The following ZNF561 variants were observed in gnomAD, a reference collection of about 807,000 sequenced individuals.
The protein encoded by ZNF561 is zinc finger protein 561.
ZNF561 carries 16 observed loss-of-function variants against 16.7 expected under a neutral mutation model. That is an observed-to-expected ratio of 0.96 (90% CI 0.65 to 1.45). The LOEUF is 1.45. Among genes scored for constraint, ZNF561 ranks in the 40% most tolerant of loss-of-function variants. ZNF561 has a pLI of 0.00. For synonymous variants in ZNF561, 190 were observed against 192.1 expected (o/e 0.99, Z 0.09); for missense variants, 580 against 578.0 (o/e 1.00, Z -0.04).
chr19:9,610,130 A>G lies in ZNF561; in HGVS notation c.*70T>C, dbSNP rs2144864543. On this transcript the variant is annotated 3_prime_UTR_variant, in exon 6 of 6. Coordinates refer to ENST00000302851, the MANE Select transcript of ZNF561 (RefSeq NM_152289.3). Reference sequence around the variant, plus strand: ...CAATCCATGAGTCATTACAACCTCCAAAAGGCATTTAGGACAAATCTGATA... The same window carrying G: ...CAATCCATGAGTCATTACAACCTCCGAAAGGCATTTAGGACAAATCTGATA... 7.2e-7 allele frequency: 1 copy of G among 1,393,828 alleles called. No individual in the cohort carries two copies. Among genetic ancestry groups the G allele is most frequent in the South Asian group, 1.4e-5 (1 of 71,802 alleles). The allele number at this position is 1,393,828 out of a possible 1,614,324, so 86.3% of individuals were successfully genotyped here.
In ZNF561 at chr19:9,608,219, TA is replaced by T. The variant is rs2074384529; in HGVS notation, c.*1980del. The T allele has an allele frequency of 9.2e-6, 1 of 108,642 alleles. No homozygotes were observed. Among genetic ancestry groups the T allele is most frequent in the Admixed American group, 1.1e-4 (1 of 9,198 alleles). The allele number at this position is 108,642 out of a possible 1,614,324, so 6.7% of individuals were successfully genotyped here. A position where few individuals can be genotyped will look rare whatever the true frequency, so the allele number is the denominator to read the frequency against. On this transcript the variant is annotated 3_prime_UTR_variant, in exon 6 of 6. Transcript: ENST00000302851. ...TCGTGAAATGATGTCAAGAGATGGG[TA>T]GGGGGAGGGAGGGGGAGGGAGGGGA... is the stretch of plus-strand genomic sequence containing the variant.
chr19:9,619,340 C>T (rs2074616391), intron 2 of ZNF561, 92 bp downstream of exon 2: 1 of 1,248,822 alleles, frequency 8.0e-7, no homozygotes, highest in Non-Finnish European at 1.1e-6. Context: ...GAACCAGCTG[C>T]ATGCCTGCTC....
intron 4 of ZNF561, among the ~76,000 whole-genome samples, chr19:9,616,118 A>G (rs948559647): frequency 1.3e-5 from 2 of 152,198 alleles, no homozygotes; most frequent in Non-Finnish European, 2.9e-5. Flanking sequence ...CTGTTGATGA[A>G]GTTTCCAGGA....
chr19:9,614,139 G>C, intron 4 of ZNF561, 36 bp from the exon 5 acceptor site: 2 of 1,606,124 alleles, frequency 1.2e-6, no homozygotes, highest in Non-Finnish European at 8.5e-7. Context: ...TAAGGATTTA[G>C]AGAAGAAATA....
chr19:9,617,285 T>G, intron 3 of ZNF561, 114 bp from the exon 4 acceptor site: 1 of 1,425,410 alleles, frequency 7.0e-7, no homozygotes, highest in Non-Finnish European at 9.3e-7. Flanking sequence ...AGGTCTCCCA[T>G]GATCTACTCC....
rs1401064970 is a variant in ZNF561, at chr19:9,611,240, T to C, written c.421A>G (p.Asn141Asp). Residue 141 changes from asparagine to aspartate, a missense_variant, in exon 6 of 6, where the codon AAT (asparagine) becomes GAT (aspartate). Coordinates refer to ENST00000302851, the MANE Select transcript of ZNF561 (RefSeq NM_152289.3). ...FCLKTHMRVQ[N>D]GGNTSEGNCY... ...TTACCCTCAGAAGTATTCCCTCCAT[T>C]CTGAACTCTCATGTGTGTCTTAAGG... The C allele has an allele frequency of 1.2e-6, 2 of 1,613,848 alleles. No homozygotes were observed. The highest frequency in any genetic ancestry group is 2.7e-5 in the African/African-American group (2 of 74,898).
chr19:9,617,186 A>G lies in ZNF561; in HGVS notation c.115-15T>C. On this transcript the variant is annotated splice_polypyrimidine_tract_variant and intron_variant, in intron 3 of 5. Transcript: ENST00000302851. ...GTCACTGAATCCTATGTCATCATAC[A>G]CATGCTGGTTTGAGCCAATGAACAC... 2 of 1,609,830 alleles carry G rather than the reference A, an allele frequency of 1.2e-6. No individual in the cohort carries two copies. Among genetic ancestry groups the G allele is most frequent in the Non-Finnish European group, 1.7e-6 (2 of 1,177,404 alleles).
Position 9,610,832 on chromosome 19 carries a change from C to G in ZNF561, c.829G>C (p.Gly277Arg), listed in dbSNP as rs1414492127. The G allele has an allele frequency of 6.2e-7, 1 of 1,613,972 alleles. No individual in the cohort carries two copies. Among genetic ancestry groups the G allele is most frequent in the Non-Finnish European group, 8.5e-7 (1 of 1,180,016 alleles). ...QLYAPVKTHK[G>R]EKSFECKECG... ...TCTTTACATTCAAAGGACTTCTCTC[C>G]TTTATGAGTTTTCACAGGTGCATAA... The change falls in exon 6 of 6, where the codon GGA becomes CGA. Residue 277 changes from glycine to arginine, a missense_variant. Gly to Arg is a moderately radical substitution (Grantham distance 125). Transcript: ENST00000302851.
chr19:9,618,535 G>T (rs975957330), intron 2 of ZNF561, among the ~76,000 whole-genome samples: 3 of 151,534 alleles, frequency 2.0e-5, no homozygotes, highest in African/African-American at 7.3e-5. Context: ...GACCATCCTA[G>T]CTAACACGGT....
intron 5 of ZNF561, among the ~76,000 whole-genome samples, chr19:9,611,880 A>G (rs1025842763): frequency 6.6e-6 from 1 of 152,124 alleles, no homozygotes; most frequent in Non-Finnish European, 1.5e-5. Flanking sequence ...CTGTGTAGCT[A>G]GAACTATTTG....
rs933354499 is a variant in ZNF561, at chr19:9,608,753, T to A, written c.*1447A>T. ...GAAGTAGTGAAGAACTTGGCAGAAC[T>A]GTATTCTAGCACTTTGCGGAAGGTA... On this transcript the variant is annotated 3_prime_UTR_variant, in exon 6 of 6. Transcript: ENST00000302851. The A allele has an allele frequency of 1.3e-5, 2 of 152,208 alleles. No individual in the cohort carries two copies. The highest frequency in any genetic ancestry group is 2.9e-5 in the Non-Finnish European group (2 of 68,046). 9.4% of individuals were successfully genotyped at this position (152,208 alleles called of 1,614,324 possible).
chr19:9,609,572 C>T lies in ZNF561; in HGVS notation c.*628G>A, dbSNP rs1389096715. 2.0e-5 allele frequency: 3 copies of T among 152,164 alleles called. No homozygotes were observed. Among genetic ancestry groups the T allele is most frequent in the South Asian group, 2.1e-4 (1 of 4,826 alleles). The allele number at this position is 152,164 out of a possible 1,614,324, so 9.4% of individuals were successfully genotyped here. A position where few individuals can be genotyped will look rare whatever the true frequency, so the allele number is the denominator to read the frequency against. On this transcript the variant is annotated 3_prime_UTR_variant, in exon 6 of 6. Transcript: ENST00000302851. ...TGGGATTCATGGACTATATCAGCCA[C>T]CTTGACAGAAGTGAGAAGAGAGACT... is the stretch of plus-strand genomic sequence containing the variant.
Position 9,611,016 on chromosome 19 carries a change from A to G in ZNF561, c.645T>C (p.His215=), listed in dbSNP as rs61740179. Residue 215 remains histidine, a synonymous_variant, in exon 6 of 6, where the codon CAT becomes CAC. Transcript: ENST00000302851. ...GTTTCTCATCAGTGTGGATTCCCAT[A>G]TGATTATCAAGGCTTGCAAAATACT... The part of the protein sequence containing the change: ...GFKYFASLDN[H]MGIHTDEKLC... The G allele has an allele frequency of 1.2e-6, 2 of 1,614,152 alleles. No homozygotes were observed. Among genetic ancestry groups the G allele is most frequent in the East Asian group, 4.5e-5 (2 of 44,866 alleles).
chr19:9,607,627 G>A lies in ZNF561; in HGVS notation c.*2573C>T, dbSNP rs2074372622. 1 of 152,094 alleles carries A rather than the reference G, an allele frequency of 6.6e-6. No individual in the cohort carries two copies. Among genetic ancestry groups the A allele is most frequent in the Non-Finnish European group, 1.5e-5 (1 of 68,036 alleles). 9.4% of individuals were successfully genotyped at this position (152,094 alleles called of 1,614,324 possible). ...CAGCAGAACTGCAGACAATTATGCTGGTATTACTGCTATTCATTGGTGGTG... is the reference window on the plus strand; with the variant it reads ...CAGCAGAACTGCAGACAATTATGCTAGTATTACTGCTATTCATTGGTGGTG... On this transcript the variant is annotated 3_prime_UTR_variant, in exon 6 of 6. Transcript: ENST00000302851.
chr19:9,611,998 GCTC>G lies in ZNF561; in HGVS notation c.325-665_325-663del, dbSNP rs1156964658. On this transcript the variant is annotated intron_variant, in intron 5 of 5. Transcript: ENST00000302851. ...GCTGGAGTGCAATGGCATGATTTCG[GCTC>G]GTTGCAAACTCTGCCTCCCAGGTTC... Among the ~76,000 whole-genome samples, 27 of 152,196 alleles carry G rather than the reference GCTC, an allele frequency of 1.8e-4. No homozygotes were observed. The East Asian group carries it at 4.8e-3, about 27-fold the overall frequency.
At chr19:9,618,293 G>C in intron 2 of ZNF561, 114 bp from the exon 3 acceptor site, 1 of 1,024,136 alleles carries the variant, frequency 9.8e-7, no homozygotes, top group South Asian at 1.5e-5. Flanking sequence ...CTACACACTC[G>C]AGAAAACTAC....
At chr19:9,615,929 A>T (rs1309620073) in intron 4 of ZNF561, among the ~76,000 whole-genome samples, 8 of 152,054 alleles carry the variant, frequency 5.3e-5, no homozygotes, top group Non-Finnish European at 7.4e-5. Context: ...CTACAAAAAG[A>T]TGCTTGCTGT....
At position 9,609,928 on chromosome 19, in the gene ZNF561, C is replaced by A; in HGVS notation, c.*272G>T. 3.2e-6 allele frequency: 1 copy of A among 307,732 alleles called. No homozygotes were observed. The highest frequency in any genetic ancestry group is 5.4e-5 in the East Asian group (1 of 18,628). The allele number at this position is 307,732 out of a possible 1,614,324, so 19.1% of individuals were successfully genotyped here. A position where few individuals can be genotyped will look rare whatever the true frequency, so the allele number is the denominator to read the frequency against. ...TGGGGTCAATCTGCATGATTTATCT[C>A]ATACACAACTTGTTAATGCTATGAT... On this transcript the variant is annotated 3_prime_UTR_variant, in exon 6 of 6. Transcript: ENST00000302851.
chr19:9,618,108 G>C lies in ZNF561; in HGVS notation c.97C>G (p.Leu33Val). The C allele has an allele frequency of 1.3e-6, 2 of 1,551,178 alleles. No individual in the cohort carries two copies. Among genetic ancestry groups the C allele is most frequent in the Non-Finnish European group, 8.7e-7 (1 of 1,146,650 alleles). Residue 33 changes from leucine (L) to valine (V), a missense_variant, in exon 3 of 6, where the codon CTG becomes GTG. Physicochemically the swap from Leu to Val is conservative, Grantham distance 32 (BLOSUM62 1). Transcript: ENST00000302851. ...TKVERMVEDYLASGYQDSVTF... is the reference protein window; with the variant it reads ...TKVERMVEDYVASGYQDSVTF... ...CTGCTTACCTGATAACCACTTGCCA[G>C]GTAGTCCTCCACCATCCTTTCTACC...
Sources: allele counts gnomAD v4.1 joint callset (sites outside exome capture counted in the v4.1 genomes callset), GRCh38; gene constraint gnomAD v4.1.1; transcripts MANE v1.5; gene names NCBI Gene and HGNC (gene_info 2026-07-23, HGNC 2026-07-21).